The following ROCK1 variants were observed in gnomAD, a reference collection of about 807,000 sequenced individuals.
ROCK1 encodes the protein Rho associated coiled-coil containing protein kinase 1.
ROCK1 carries 36 observed loss-of-function variants against 196.8 expected under a neutral mutation model. That is an observed-to-expected ratio of 0.18 (90% CI 0.14 to 0.24). The LOEUF (loss-of-function observed/expected upper bound fraction) is 0.24, where lower values mean the gene tolerates loss of function less well. Ranked by LOEUF, ROCK1 falls within the 10% of genes least tolerant of loss-of-function variation. ROCK1 has a pLI of 1.00. For missense variants in ROCK1, 920 were observed against 1,562.0 expected (o/e 0.59, Z 6.93); for synonymous variants, 443 against 515.9 (o/e 0.86, Z 1.91).
At chr18:20,983,005 G>A (rs1266605673) in intron 20 of ROCK1, among the ~76,000 whole-genome samples, 173 bp from the exon 21 acceptor site, 5 of 151,808 alleles carry the variant, frequency 3.3e-5, no homozygotes, top group African/African-American at 4.8e-5. Context: ...AGGCCACACC[G>A]GTTCTATCTT....
At chr18:21,052,542 G>A (rs902610062) in intron 2 of ROCK1, among the ~76,000 whole-genome samples, 3 of 152,090 alleles carry the variant, frequency 2.0e-5, no homozygotes, top group Non-Finnish European at 1.5e-5. Flanking sequence ...CCCCTGAGCC[G>A]TGGACCTGTA....
intron 1 of ROCK1, among the ~76,000 whole-genome samples, chr18:21,081,632 GAA>G (rs1186332058): frequency 6.6e-6 from 1 of 152,046 alleles, no homozygotes; most frequent in East Asian, 1.9e-4. Context: ...CTGACTAAGG[GAA>G]AAAGAGAGAA....
chr18:20,988,363 C>T (rs1310096713), intron 18 of ROCK1, among the ~76,000 whole-genome samples: 2 of 152,046 alleles, frequency 1.3e-5, no homozygotes, highest in African/African-American at 4.8e-5. Context: ...TCCCCGCACC[C>T]GGCCTCTTTC....
At chr18:21,028,516 A>T (rs533077807) in intron 10 of ROCK1, among the ~76,000 whole-genome samples, 1 of 152,130 alleles carries the variant, frequency 6.6e-6, no homozygotes, top group African/African-American at 2.4e-5. Context: ...TATTTATGGC[A>T]TTTTTTGACC....
chr18:21,009,467 T>C (rs1381834314), intron 13 of ROCK1, among the ~76,000 whole-genome samples: 1 of 152,186 alleles, frequency 6.6e-6, no homozygotes, highest in East Asian at 1.9e-4. Context: ...TAGGACATTT[T>C]GATTGTTTTC....
At chr18:21,097,881 G>T (rs1278971828) in intron 1 of ROCK1, among the ~76,000 whole-genome samples, 4 of 152,252 alleles carry the variant, frequency 2.6e-5, no homozygotes, top group Admixed American at 2.6e-4. Flanking sequence ...TGGTCGACCT[G>T]GGTGGGAGTG....
chr18:21,002,643 A>C (rs1422118409), intron 16 of ROCK1, among the ~76,000 whole-genome samples: 1 of 152,220 alleles, frequency 6.6e-6, no homozygotes, highest in Non-Finnish European at 1.5e-5. Flanking sequence ...GATGATCACC[A>C]CTGCAAATTC....
At chr18:21,106,349 C>G (rs2036703251) in intron 1 of ROCK1, among the ~76,000 whole-genome samples, 1 of 152,174 alleles carries the variant, frequency 6.6e-6, no homozygotes, top group Admixed American at 6.5e-5. Flanking sequence ...GTCGTCCAGG[C>G]TGGAGTGCAG....
intron 1 of ROCK1, among the ~76,000 whole-genome samples, chr18:21,079,116 T>C (rs577716567): frequency 6.6e-6 from 1 of 152,308 alleles, no homozygotes; most frequent in East Asian, 1.9e-4. Flanking sequence ...GCTGTGGTCT[T>C]TCGCAGGCCT....
chr18:21,071,000 AAAT>A (rs1398107931), intron 1 of ROCK1, among the ~76,000 whole-genome samples: 7 of 152,286 alleles, frequency 4.6e-5, no homozygotes, highest in African/African-American at 1.2e-4. Context: ...GGTAACAGCT[AAAT>A]AATAATAAAA....
intron 27 of ROCK1, among the ~76,000 whole-genome samples, chr18:20,960,891 TAA>T: frequency 6.6e-6 from 1 of 152,172 alleles, no homozygotes; most frequent in East Asian, 1.9e-4. Context: ...CTACTCAAAC[TAA>T]AGAGTTTTAA....
chr18:21,008,734 C>T (rs2143441523), intron 13 of ROCK1, among the ~76,000 whole-genome samples: 1 of 152,300 alleles, frequency 6.6e-6, no homozygotes, highest in African/African-American at 2.4e-5. Flanking sequence ...GGACATAAAT[C>T]ATTCAAGGTC....
chr18:21,086,331 C>T (rs1394809001), intron 1 of ROCK1, among the ~76,000 whole-genome samples: 1 of 152,052 alleles, frequency 6.6e-6, no homozygotes, highest in Non-Finnish European at 1.5e-5. Context: ...AGGCTGGTCT[C>T]GAACTCCCGA....
intron 2 of ROCK1, among the ~76,000 whole-genome samples, chr18:21,051,095 G>A (rs1247725522): frequency 1.3e-5 from 2 of 152,142 alleles, no homozygotes; most frequent in Non-Finnish European, 2.9e-5. Context: ...TTCTGTAAAT[G>A]ATGGTACCTG....
chr18:20,966,998 GCAATTGCTCAATAT>G lies in ROCK1; in HGVS notation c.3257_3270del (p.Asp1086AlafsTer3). 1 of 1,612,764 alleles carries G rather than the reference GCAATTGCTCAATAT, an allele frequency of 6.2e-7. No individual in the cohort carries two copies. Among genetic ancestry groups the G allele is most frequent in the Non-Finnish European group, 8.5e-7 (1 of 1,178,808 alleles). ...TCCGAGAGGTCCAAAAGTTTAGCAC[GCAATTGCTCAATAT>G]CACTCTCTTTGCTGGCCAACTGCAT... is the stretch of plus-strand genomic sequence containing the variant. On this transcript the variant is annotated frameshift_variant, in exon 27 of 33. Coordinates refer to ENST00000399799, the MANE Select transcript of ROCK1 (RefSeq NM_005406.3). LOFTEE classifies it high-confidence loss of function.
At chr18:21,026,389 A>G (rs1365009002) in intron 10 of ROCK1, among the ~76,000 whole-genome samples, 2 of 144,290 alleles carry the variant, frequency 1.4e-5, no homozygotes, top group Non-Finnish European at 3.0e-5. Context: ...GGTTGCAGTG[A>G]GCCGAGATCG....
At chr18:21,060,649 G>C (rs998769666) in intron 2 of ROCK1, among the ~76,000 whole-genome samples, 2 of 152,068 alleles carry the variant, frequency 1.3e-5, no homozygotes, top group African/African-American at 2.4e-5. Flanking sequence ...AGATCAGCCT[G>C]ACCAACATGG....
At chr18:21,065,575 C>A (rs2036327321) in intron 2 of ROCK1, among the ~76,000 whole-genome samples, 1 of 152,134 alleles carries the variant, frequency 6.6e-6, no homozygotes, top group East Asian at 1.9e-4. Context: ...CAATCATAAT[C>A]ACTGTTCCCA....
intron 9 of ROCK1, among the ~76,000 whole-genome samples, chr18:21,035,409 C>G (rs1007689906): frequency 6.6e-6 from 1 of 152,192 alleles, no homozygotes; most frequent in African/African-American, 2.4e-5. Context: ...CCTACAATCC[C>G]TGCACTTTGG....
Sources: gnomAD v4.1 joint callset for allele counts (sites outside exome capture counted in the v4.1 genomes callset) on GRCh38, gnomAD v4.1.1 for gene constraint, MANE v1.5 for transcripts, NCBI Gene and HGNC (gene_info 2026-07-23, HGNC 2026-07-21) for gene names.